ELL2: variants seen among roughly 807,000 people sequenced by gnomAD.
ELL2 encodes the protein RNA polymerase II elongation factor ELL2.
Under a neutral mutation model 72.8 loss-of-function variants are expected in ELL2, and 21 were observed. The observed-to-expected ratio is 0.29, with a 90% CI of 0.20 to 0.42. ELL2 has a LOEUF of 0.42. Ranked by LOEUF, ELL2 falls within the 10% of genes least tolerant of loss-of-function variation. The pLI is 1.00. For synonymous variants in ELL2, 266 were observed against 283.2 expected (o/e 0.94, Z 0.61); for missense variants, 568 against 772.8 (o/e 0.73, Z 3.14).
chr5:95,908,416 T>C (rs1317808975), intron 4 of ELL2, among the ~76,000 whole-genome samples: 6 of 152,228 alleles, frequency 3.9e-5, no homozygotes, highest in African/African-American at 1.4e-4. Flanking sequence ...CCTGTAAGTC[T>C]TTGTGGGAAA....
At position 95,898,600 on chromosome 5, in the gene ELL2, G is replaced by A; in HGVS notation, c.1165C>T (p.Pro389Ser). The change falls in exon 8 of 12, where the codon CCT becomes TCT. Residue 389 changes from proline to serine, a missense_variant. This residue lies in a region of ELL2 where 511 missense variants were observed against 728.4 expected (regional missense o/e 0.70). Transcript: ENST00000237853. ...PSTYLPISHPPQIVNSNSNSP... is the reference protein window; with the variant it reads ...PSTYLPISHPSQIVNSNSNSP... ...TTGGAGTTAGAATTTACAATCTGAG[G>A]AGGATGTGAGATGGGCAGATAGGTT... The A allele has an allele frequency of 6.2e-7, 1 of 1,613,848 alleles. No individual in the cohort carries two copies. The highest frequency in any genetic ancestry group is 1.1e-5 in the South Asian group (1 of 91,050).
chr5:95,952,326 G>A (rs1751444294), intron 1 of ELL2, among the ~76,000 whole-genome samples: 1 of 152,090 alleles, frequency 6.6e-6, no homozygotes, highest in Admixed American at 6.5e-5. Flanking sequence ...TGGAAGGAGG[G>A]TGAGGATCAA....
At chr5:95,933,146 C>T (rs963307884) in intron 2 of ELL2, among the ~76,000 whole-genome samples, 2 of 152,080 alleles carry the variant, frequency 1.3e-5, no homozygotes, top group African/African-American at 4.8e-5. Flanking sequence ...TGGGGAAAAC[C>T]CCTTGTGACT....
chr5:95,952,896 A>G (rs895659123), intron 1 of ELL2, among the ~76,000 whole-genome samples: 2 of 152,216 alleles, frequency 1.3e-5, no homozygotes, highest in African/African-American at 4.8e-5. Flanking sequence ...AAACAGAGGA[A>G]AGTAGGCAAA....
chr5:95,898,508 A>G lies in ELL2; in HGVS notation c.1257T>C (p.Asp419=). ...DLPVDSFSQN[D]SIYEDQQDKY... ...TGTCTTGCTGGTCCTCATAGATACT[A>G]TCGTTTTGACTAAAACTGTCAACAG... Residue 419 remains aspartate (D), a synonymous_variant, in exon 8 of 12, where the codon GAT becomes GAC. Transcript: ENST00000237853. 5 of 1,614,152 alleles carry G rather than the reference A, an allele frequency of 3.1e-6. No homozygotes were observed. Among genetic ancestry groups the G allele is most frequent in the Non-Finnish European group, 4.2e-6 (5 of 1,180,034 alleles).
chr5:95,920,136 T>A (rs1749993648), intron 2 of ELL2, among the ~76,000 whole-genome samples: 2 of 152,114 alleles, frequency 1.3e-5, no homozygotes, highest in African/African-American at 4.8e-5. Flanking sequence ...CCATTATACA[T>A]CCTCATGTTT....
chr5:95,908,695 A>T (rs1749469214), intron 4 of ELL2, among the ~76,000 whole-genome samples: 1 of 152,226 alleles, frequency 6.6e-6, no homozygotes, highest in Non-Finnish European at 1.5e-5. Context: ...TCCCAGTTGC[A>T]ACAGCGTTAA....
At chr5:95,931,796 T>TAAAAAAAAAAAAA (rs368583353) in intron 2 of ELL2, among the ~76,000 whole-genome samples, 13 of 72,524 alleles carry the variant, frequency 1.8e-4, no homozygotes, top group South Asian at 1.1e-3. Context: ...GCCCTATCCA[T>TAAAAAAAAAAAAA]AAAAAAAAAA....
At chr5:95,945,373 G>C (rs1039143317) in intron 1 of ELL2, among the ~76,000 whole-genome samples, 7 of 152,124 alleles carry the variant, frequency 4.6e-5, no homozygotes, top group Non-Finnish European at 8.8e-5. Flanking sequence ...TAGAATCACA[G>C]GATTCCAAAT....
chr5:95,919,247 C>T (rs1218080011), intron 3 of ELL2, among the ~76,000 whole-genome samples, 177 bp downstream of exon 3: 1 of 152,112 alleles, frequency 6.6e-6, no homozygotes, highest in Non-Finnish European at 1.5e-5. Flanking sequence ...ATCCCCATTA[C>T]AAATGAAATT....
intron 9 of ELL2, among the ~76,000 whole-genome samples, chr5:95,893,912 A>C (rs1748763531): frequency 6.6e-6 from 1 of 152,204 alleles, no homozygotes; most frequent in African/African-American, 2.4e-5. Flanking sequence ...GAAATGCACC[A>C]AGGCAGATCC....
intron 5 of ELL2, among the ~76,000 whole-genome samples, chr5:95,903,970 C>G (rs990008427): frequency 6.6e-6 from 1 of 152,190 alleles, no homozygotes; most frequent in Admixed American, 6.5e-5. Context: ...TCTCCCTACA[C>G]CTAACCGTTA....
At chr5:95,957,137 T>C (rs1751655905) in intron 1 of ELL2, among the ~76,000 whole-genome samples, 1 of 152,220 alleles carries the variant, frequency 6.6e-6, no homozygotes, top group Non-Finnish European at 1.5e-5. Context: ...AAACATTTTT[T>C]AAAAACTAAA....
chr5:95,918,062 A>G (rs1179581798), intron 3 of ELL2, among the ~76,000 whole-genome samples: 3 of 152,200 alleles, frequency 2.0e-5, no homozygotes, highest in Admixed American at 1.3e-4. Flanking sequence ...ACTCTGGATA[A>G]ATCACCTGTG....
intron 2 of ELL2, among the ~76,000 whole-genome samples, chr5:95,935,433 C>T (rs1173117411): frequency 6.6e-6 from 1 of 152,130 alleles, no homozygotes. Flanking sequence ...TTTCAGTATT[C>T]ATATGTAAAC....
chr5:95,896,468 C>T (rs1037205705), intron 8 of ELL2, among the ~76,000 whole-genome samples: 11 of 152,108 alleles, frequency 7.2e-5, no homozygotes, highest in African/African-American at 2.7e-4. Context: ...ATCATGCCCA[C>T]TGGCAAAACA....
Position 95,961,594 on chromosome 5 carries a change from T to G in ELL2, c.128A>C (p.Glu43Ala). 2 of 1,603,254 alleles carry G rather than the reference T, an allele frequency of 1.2e-6. No individual in the cohort carries two copies. Among genetic ancestry groups the G allele is most frequent in the South Asian group, 2.2e-5 (2 of 89,904 alleles). Residue 43 changes from glutamate (E) to alanine (A), a missense_variant, in exon 1 of 12, where the codon GAG becomes GCG. By Grantham distance (107) the Glu-to-Ala change is moderately radical (BLOSUM62 -1). Coordinates refer to ENST00000237853, the MANE Select transcript of ELL2 (RefSeq NM_012081.6). ...GCTCACCTTGTGGCTCTGGTAAGTC[T>G]CGAGCGCCCGGATCGCCGTCTCGGT... ...KLTETAIRAL[E>A]TYQSHKNLIP...
At chr5:95,895,430 G>A (rs1327387746) in intron 9 of ELL2, among the ~76,000 whole-genome samples, 198 bp downstream of exon 9, 1 of 152,190 alleles carries the variant, frequency 6.6e-6, no homozygotes, top group South Asian at 2.1e-4. Flanking sequence ...CTCAGAGCGG[G>A]GGGAGGCACA....
At chr5:95,953,587 C>T (rs76469191) in intron 1 of ELL2, among the ~76,000 whole-genome samples, 1,609 of 152,334 alleles carry the variant, frequency 0.011, 17 homozygotes, top group Non-Finnish European at 0.016. Context: ...AAAAGTCTTC[C>T]AGACTAGGTT....
Sources: gnomAD v4.1 joint callset for allele counts (sites outside exome capture counted in the v4.1 genomes callset) on GRCh38, gnomAD v4.1.1 for gene constraint, gnomAD v4.1.1 regional missense constraint, MANE v1.5 for transcripts, NCBI Gene and HGNC (gene_info 2026-07-23, HGNC 2026-07-21) for gene names.